Variants in SFSWAP observed in about 807,000 individuals in gnomAD.
SFSWAP encodes the protein splicing factor, suppressor of white-apricot homolog.
In SFSWAP, 17 loss-of-function variants were observed where a neutral mutation model predicts 100.7. That is an observed-to-expected ratio of 0.17 (90% CI 0.12 to 0.25). SFSWAP has a LOEUF of 0.25. SFSWAP is among the 10% of genes least tolerant of loss of function. The probability of loss-of-function intolerance (pLI) is 1.00; values close to 1 mark genes in which losing one functional copy is unlikely to be tolerated. For synonymous variants in SFSWAP, 504 were observed against 510.1 expected (o/e 0.99, Z 0.16); for missense variants, 1,005 against 1,262.6 (o/e 0.80, Z 3.09).
chr12:131,752,985 T>C (rs1204139468), intron 7 of SFSWAP, 138 bp from the exon 8 acceptor site: 10 of 1,317,586 alleles, frequency 7.6e-6, no homozygotes, highest in Non-Finnish European at 1.0e-5. Flanking sequence ...ATCAGAAAAA[T>C]CTAGAAAACA....
intron 3 of SFSWAP, 72 bp from the exon 4 acceptor site, chr12:131,719,382 C>A: frequency 9.2e-7 from 1 of 1,084,260 alleles, no homozygotes; most frequent in Non-Finnish European, 1.4e-6. Context: ...ATGCTTCCAT[C>A]TTGCTGCCTG....
Position 131,714,391 on chromosome 12 carries a change from C to A in SFSWAP, c.388+151C>A. 1.6e-6 allele frequency: 1 copy of A among 638,700 alleles called. No individual in the cohort carries two copies. Among genetic ancestry groups the A allele is most frequent in the Non-Finnish European group, 2.6e-6 (1 of 380,822 alleles). 39.6% of individuals were successfully genotyped at this position (638,700 alleles called of 1,614,324 possible). A position where few individuals can be genotyped will look rare whatever the true frequency, so the allele number is the denominator to read the frequency against. ...TTGGAAAAACAGGAGTCTTTGCGTT[C>A]TGAGAGGACCTCAGGATAGTTTATA... On this transcript the variant is annotated intron_variant, in intron 2 of 17. Transcript: ENST00000261674. The surrounding 1 kb of genome is among the most constrained non-coding windows in gnomAD (Gnocchi z 6.0).
chr12:131,740,552 G>A (rs1283850562), intron 7 of SFSWAP, among the ~76,000 whole-genome samples: 1 of 151,990 alleles, frequency 6.6e-6, no homozygotes, highest in Non-Finnish European at 1.5e-5. Flanking sequence ...CCTGTCCCAC[G>A]CATTGGTGCC....
At chr12:131,797,459 C>T (rs899757960) in intron 16 of SFSWAP, 99 bp downstream of exon 16, 1 of 1,144,622 alleles carries the variant, frequency 8.7e-7, no homozygotes, top group Non-Finnish European at 1.2e-6. Context: ...CAGTACTCGC[C>T]TGTGTCCAGG....
At chr12:131,768,906 T>G (rs1883343668) in intron 13 of SFSWAP, among the ~76,000 whole-genome samples, 1 of 152,100 alleles carries the variant, frequency 6.6e-6, no homozygotes, top group Non-Finnish European at 1.5e-5. Context: ...GGTGGATCGC[T>G]TGAGGCCAGG....
chr12:131,727,866 G>A (rs896544104), intron 6 of SFSWAP, among the ~76,000 whole-genome samples: 1 of 152,210 alleles, frequency 6.6e-6, no homozygotes, highest in African/African-American at 2.4e-5. Flanking sequence ...GAGTCTATTA[G>A]ATTTAAGCAT....
At chr12:131,719,294 G>A (rs563031347) in intron 3 of SFSWAP, among the ~76,000 whole-genome samples, 160 bp from the exon 4 acceptor site, 3 of 151,884 alleles carry the variant, frequency 2.0e-5, no homozygotes, top group East Asian at 1.9e-4. Flanking sequence ...TTTCACTTGC[G>A]TTGTGGGTAG....
rs11246787 is a variant in SFSWAP, at chr12:131,742,513, G to A, written c.1082-10610G>A. Reference sequence around the variant, plus strand: ...AAATAGCTGGTTAAATGCCCAAAACGGATTCATTTTGGTAGTTTCCCAGTT... The same window carrying A: ...AAATAGCTGGTTAAATGCCCAAAACAGATTCATTTTGGTAGTTTCCCAGTT... On this transcript the variant is annotated intron_variant, in intron 7 of 17. Coordinates refer to ENST00000261674, the MANE Select transcript of SFSWAP (RefSeq NM_004592.4). Among the ~76,000 whole-genome samples the A allele has an allele frequency of 9.6e-4, 146 of 152,036 alleles. 2 individuals are homozygous for A. In the East Asian group the frequency reaches 0.025, roughly 26 times the overall value.
chr12:131,790,502 C>G (rs1277252956), intron 15 of SFSWAP, among the ~76,000 whole-genome samples: 2 of 152,110 alleles, frequency 1.3e-5, no homozygotes, highest in African/African-American at 4.8e-5. Context: ...TTGAGTATGT[C>G]ATAAAAGTGT....
At chr12:131,779,104 A>G (rs537677119) in intron 14 of SFSWAP, among the ~76,000 whole-genome samples, 1 of 147,552 alleles carries the variant, frequency 6.8e-6, no homozygotes, top group South Asian at 2.2e-4. Flanking sequence ...CTGCACATAC[A>G]CTCACCGGTG....
chr12:131,711,705 A>C lies in SFSWAP; in HGVS notation c.218+258A>C. On this transcript the variant is annotated intron_variant, in intron 1 of 17. Transcript: ENST00000261674. This position sits in a 1 kb window ranked among gnomAD's most constrained non-coding sequence, Gnocchi z 4.9. ...GTCTCTGGTCCCGCAGCCCCTCTCG[A>C]CCCCTCACCCTGTCGCTGGGCTGCA... The C allele has an allele frequency of 8.8e-6, 4 of 455,588 alleles. No individual in the cohort carries two copies. Among genetic ancestry groups the C allele is most frequent in the Admixed American group, 3.8e-5 (1 of 26,102 alleles). 28.2% of individuals were successfully genotyped at this position (455,588 alleles called of 1,614,324 possible).
intron 7 of SFSWAP, among the ~76,000 whole-genome samples, chr12:131,751,038 A>G (rs1881573145): frequency 6.6e-6 from 1 of 152,046 alleles, no homozygotes; most frequent in African/African-American, 2.4e-5. Flanking sequence ...GCAGTCTGCC[A>G]TTTTGCCGGC....
chr12:131,770,685 A>C (rs994064671), intron 13 of SFSWAP, among the ~76,000 whole-genome samples: 1 of 151,992 alleles, frequency 6.6e-6, no homozygotes, highest in Non-Finnish European at 1.5e-5. Context: ...CCTTCTGTAG[A>C]GTTTGAGTTT....
intron 15 of SFSWAP, among the ~76,000 whole-genome samples, chr12:131,793,391 T>A (rs1243844005): frequency 6.6e-6 from 1 of 152,120 alleles, no homozygotes; most frequent in Non-Finnish European, 1.5e-5. Flanking sequence ...GCCAGGAAAC[T>A]CTTTCCAACA....
chr12:131,726,853 C>T, intron 5 of SFSWAP, 87 bp from the exon 6 acceptor site: 1 of 829,568 alleles, frequency 1.2e-6, no homozygotes, highest in Non-Finnish European at 2.0e-6. Context: ...ACCAAGATAA[C>T]TTGGCTGCTT....
In SFSWAP at chr12:131,711,311, G is replaced by T. The variant is rs1228742040; in HGVS notation, c.82G>T (p.Gly28Cys). The T allele has an allele frequency of 1.9e-6, 3 of 1,613,424 alleles. No individual in the cohort carries two copies. Among genetic ancestry groups the T allele is most frequent in the Admixed American group, 3.3e-5 (2 of 60,014 alleles). The change falls in exon 1 of 18, where the codon GGT (glycine) becomes TGT (cysteine). Residue 28 changes from glycine to cysteine, a missense_variant. Transcript: ENST00000261674. The surrounding 1 kb of genome is among the most constrained non-coding windows in gnomAD (Gnocchi z 4.9). ...GGAGGCCGGGCCAGGCGGTGCCGGCGGTGGGGGCAGCCGAGTGGAGCTCTT... is the reference window on the plus strand; with the variant it reads ...GGAGGCCGGGCCAGGCGGTGCCGGCTGTGGGGGCAGCCGAGTGGAGCTCTT... ...KEEAGPGGAGGGGSRVELLVF... is the reference protein window; with the variant it reads ...KEEAGPGGAGCGGSRVELLVF...
At chr12:131,763,207 G>T (rs980778338) in intron 11 of SFSWAP, among the ~76,000 whole-genome samples, 1 of 152,156 alleles carries the variant, frequency 6.6e-6, no homozygotes, top group South Asian at 2.1e-4. Context: ...ACCTCCGCCA[G>T]GGGCCAGCCA....
intron 15 of SFSWAP, among the ~76,000 whole-genome samples, chr12:131,792,584 G>A (rs7961309): frequency 0.077 from 11,505 of 149,520 alleles, 1,675 homozygotes; most frequent in African/African-American, 0.27. Flanking sequence ...GTGTGCATGC[G>A]TGTTAACAGA....
chr12:131,740,230 T>A (rs35811529), intron 7 of SFSWAP, among the ~76,000 whole-genome samples: 26,179 of 152,132 alleles, frequency 0.17, 2,998 homozygotes, highest in Non-Finnish European at 0.25. Context: ...TTTTTCACGC[T>A]TGAAAATCTT....
Sources: gnomAD v4.1 joint callset for allele counts (sites outside exome capture counted in the v4.1 genomes callset) on GRCh38, gnomAD v4.1.1 for gene constraint, Gnocchi (gnomAD v3.1) non-coding constraint, MANE v1.5 for transcripts, NCBI Gene and HGNC (gene_info 2026-07-23, HGNC 2026-07-21) for gene names.